The following CD44 variants were observed in gnomAD, a reference collection of about 807,000 sequenced individuals.
CD44 encodes the protein CD44 antigen.
In CD44, 49 loss-of-function variants were observed where a neutral mutation model predicts 88.8. That is an observed-to-expected ratio of 0.55 (90% CI 0.44 to 0.70). CD44 has a LOEUF of 0.70. Among genes scored for constraint, CD44 ranks in the 30% least tolerant of loss-of-function variants. The pLI, the probability that CD44 is intolerant of heterozygous loss-of-function variation, is 0.00. For synonymous variants in CD44, 325 were observed against 312.3 expected (o/e 1.04, Z -0.43); for missense variants, 883 against 913.8 (o/e 0.97, Z 0.43).
At chr11:35,185,597 TATCCATCCATCTCC>T (rs1945586358) in intron 3 of CD44, among the ~76,000 whole-genome samples, 1 of 152,170 alleles carries the variant, frequency 6.6e-6, no homozygotes, top group Admixed American at 6.5e-5. Context: ...TCCATCCATC[TATCCATCCATCTCC>T]ATCCATCCAT....
At position 35,211,524 on chromosome 11, in the gene CD44, A is replaced by T. The variant is rs1948388627; in HGVS notation, c.1810+75A>T. The stretch of plus-strand genomic sequence containing the variant: ...TATATAGTTTCATATTACAGAGGAC[A>T]TTTTCTGTGTAGTCTGGGATTGGAC... On this transcript the variant is annotated intron_variant, in intron 14 of 17. Transcript: ENST00000428726. 4 of 1,103,976 alleles carry T rather than the reference A, an allele frequency of 3.6e-6. No homozygotes were observed. In the East Asian group the frequency reaches 9.6e-5, roughly 26 times the overall value. The allele number at this position is 1,103,976 out of a possible 1,614,324, so 68.4% of individuals were successfully genotyped here. A position where few individuals can be genotyped will look rare whatever the true frequency, so the allele number is the denominator to read the frequency against.
chr11:35,196,939 C>T, intron 6 of CD44, 65 bp downstream of exon 6: 1 of 1,537,140 alleles, frequency 6.5e-7, no homozygotes, highest in Non-Finnish European at 8.9e-7. Flanking sequence ...TTTGATTGAC[C>T]TCTGGGATGT....
At chr11:35,212,197 A>G (rs552836374) in intron 14 of CD44, among the ~76,000 whole-genome samples, 2 of 152,124 alleles carry the variant, frequency 1.3e-5, no homozygotes, top group Non-Finnish European at 2.9e-5. Flanking sequence ...AACAGTGAAG[A>G]AAGGGGAAAT....
intron 16 of CD44, among the ~76,000 whole-genome samples, chr11:35,219,928 T>C (rs558667262): frequency 2.6e-5 from 4 of 152,202 alleles, no homozygotes; most frequent in African/African-American, 7.2e-5. Context: ...AAAGTATGCA[T>C]GTGCAGTGAG....
At chr11:35,155,422 A>T (rs1016697701) in intron 1 of CD44, among the ~76,000 whole-genome samples, 3 of 152,186 alleles carry the variant, frequency 2.0e-5, no homozygotes, top group African/African-American at 7.2e-5. Flanking sequence ...GGCAAAGCTA[A>T]GTTTTTGTGC....
At chr11:35,212,535 T>A (rs1298815612) in intron 14 of CD44, 1 of 152,000 alleles carries the variant, frequency 6.6e-6, no homozygotes, top group Non-Finnish European at 1.5e-5. Flanking sequence ...GAATCCAATA[T>A]GTAAAACAGA....
chr11:35,219,182 A>G, intron 15 of CD44, 134 bp from the exon 16 acceptor site: 2 of 676,308 alleles, frequency 3.0e-6, no homozygotes, highest in Non-Finnish European at 5.4e-6. Context: ...TGCTTTATAA[A>G]CATCTGCAGC....
intron 1 of CD44, among the ~76,000 whole-genome samples, chr11:35,142,341 A>T (rs558867266): frequency 2.8e-4 from 43 of 152,260 alleles, no homozygotes; most frequent in South Asian, 6.2e-4. Flanking sequence ...TGCTATAAAG[A>T]CACATGCACA....
intron 1 of CD44, among the ~76,000 whole-genome samples, chr11:35,163,413 C>T (rs1942886223): frequency 6.6e-6 from 1 of 152,052 alleles, no homozygotes; most frequent in African/African-American, 2.4e-5. Context: ...CATTGTGCAC[C>T]CTGTGAATCA....
chr11:35,194,352 TA>T (rs1195360756), intron 5 of CD44, among the ~76,000 whole-genome samples: 1 of 152,212 alleles, frequency 6.6e-6, no homozygotes, highest in Non-Finnish European at 1.5e-5. Context: ...AGACATCATA[TA>T]TAGGCAGAAC....
At position 35,151,481 on chromosome 11, in the gene CD44, C is replaced by T. The variant is rs115914990; in HGVS notation, c.67+12111C>T. Among the ~76,000 whole-genome samples, 419 of 152,308 alleles carry T rather than the reference C, an allele frequency of 2.8e-3. 4 individuals are homozygous for T. Among genetic ancestry groups the T allele is most frequent in the African/African-American group, 9.6e-3 (398 of 41,552 alleles). On this transcript the variant is annotated intron_variant, in intron 1 of 17. Coordinates refer to ENST00000428726, the MANE Select transcript of CD44 (RefSeq NM_000610.4). ...TTAAGTGAATCCCAAACAAGACCTA[C>T]TGTGGCAATAGCAAATAGATTTTAG...
At chr11:35,228,119 T>C (rs562411113) in intron 17 of CD44, among the ~76,000 whole-genome samples, 5 of 152,282 alleles carry the variant, frequency 3.3e-5, no homozygotes, top group Non-Finnish European at 7.4e-5. Flanking sequence ...TGTGTAGTAG[T>C]GATATGTTAC....
At chr11:35,204,759 T>G in intron 10 of CD44, 119 bp downstream of exon 10, 1 of 909,282 alleles carries the variant, frequency 1.1e-6, no homozygotes, top group Non-Finnish European at 1.7e-6. Context: ...TTAGGTTACT[T>G]AATAAATTAT....
intron 3 of CD44, among the ~76,000 whole-genome samples, chr11:35,182,206 A>G (rs1199336463): frequency 6.6e-6 from 1 of 151,188 alleles, no homozygotes; most frequent in Non-Finnish European, 1.5e-5. Context: ...CACTACTAAA[A>G]AAAACCCAAA....
In CD44 at chr11:35,232,307, A is replaced by G. The variant is rs1034612007; in HGVS notation, c.*2974A>G. On this transcript the variant is annotated 3_prime_UTR_variant, in exon 18 of 18. Coordinates refer to ENST00000428726, the MANE Select transcript of CD44 (RefSeq NM_000610.4). ...TTTTTGTATATTTATTGATGGATCA[A>G]TAATAATGAGGAAAGCATGATATGT... 1.3e-5 allele frequency: 2 copies of G among 152,644 alleles called. No homozygotes were observed. The highest frequency in any genetic ancestry group is 4.8e-5 in the African/African-American group (2 of 41,440). The allele number at this position is 152,644 out of a possible 1,614,324, so 9.5% of individuals were successfully genotyped here.
Position 35,190,071 on chromosome 11 carries a change from G to A in CD44, c.667+6G>A. The A allele has an allele frequency of 6.2e-7, 1 of 1,610,252 alleles. No homozygotes were observed. The highest frequency in any genetic ancestry group is 8.5e-7 in the Non-Finnish European group (1 of 1,176,468). On this transcript the variant is annotated splice_donor_region_variant and intron_variant, in intron 5 of 17. Coordinates refer to ENST00000428726, the MANE Select transcript of CD44 (RefSeq NM_000610.4). ...AGACAGAATCCCTGCTACCAGTAAG[G>A]AGAATAAATCACTGTGCTTCCCAAT...
intron 1 of CD44, among the ~76,000 whole-genome samples, chr11:35,147,664 G>T (rs1859439149): frequency 6.6e-6 from 1 of 151,240 alleles, no homozygotes; most frequent in African/African-American, 2.4e-5. Context: ...TAACAGGTCT[G>T]CAGTGACTTC....
chr11:35,149,663 T>A (rs1247180867), intron 1 of CD44, among the ~76,000 whole-genome samples: 1 of 152,210 alleles, frequency 6.6e-6, no homozygotes, highest in Non-Finnish European at 1.5e-5. Context: ...ATCTGTCAAG[T>A]CCTTTCCAGG....
intron 4 of CD44, among the ~76,000 whole-genome samples, chr11:35,189,278 A>G (rs1247444861): frequency 3.9e-5 from 6 of 152,234 alleles, no homozygotes; most frequent in African/African-American, 1.4e-4. Context: ...GGGTGTTTGC[A>G]CAAGTGGACA....
Sources: gnomAD v4.1 joint callset for allele counts (sites outside exome capture counted in the v4.1 genomes callset) on GRCh38, gnomAD v4.1.1 for gene constraint, MANE v1.5 for transcripts, NCBI Gene and HGNC (gene_info 2026-07-23, HGNC 2026-07-21) for gene names.